Variants in AK4 observed in about 807,000 individuals in gnomAD.
The protein encoded by AK4 is adenylate kinase 4, also known as adenylate kinase 4, mitochondrial.
AK4 carries 13 observed loss-of-function variants against 24.6 expected under a neutral mutation model. The observed-to-expected ratio is 0.53, with a 90% confidence interval of 0.34 to 0.84. AK4 has a LOEUF of 0.84. Among genes scored for constraint, AK4 ranks in the 40% least tolerant of loss-of-function variants. AK4 has a pLI of 0.01. For missense variants in AK4, 192 were observed against 288.2 expected (o/e 0.67, Z 2.42); for synonymous variants, 88 against 107.0 (o/e 0.82, Z 1.10).
At position 65,230,414 on chromosome 1, in the gene AK4, A is replaced by G. The variant is rs1304118424; in HGVS notation, c.*4237A>G. ...AGTATTTGACATTAGCTTTTTGTCC[A>G]AAGAGTTGAAGCCTGCTGGAGGTCT... On this transcript the variant is annotated 3_prime_UTR_variant, in exon 5 of 5. Coordinates refer to ENST00000327299, the MANE Select transcript of AK4 (RefSeq NM_013410.4). 2.0e-5 allele frequency: 3 copies of G among 152,230 alleles called. No individual in the cohort carries two copies. The highest frequency in any genetic ancestry group is 3.9e-4 in the East Asian group (2 of 5,194). The allele number at this position is 152,230 out of a possible 1,614,324, so 9.4% of individuals were successfully genotyped here. A position where few individuals can be genotyped will look rare whatever the true frequency, so the allele number is the denominator to read the frequency against.
Position 65,199,565 on chromosome 1 carries a change from GA to G in AK4, c.265+8746del, listed in dbSNP as rs375901437. 6.0e-3 allele frequency among the ~76,000 whole-genome samples: 897 copies of G among 148,590 alleles called. 10 individuals are homozygous for G. The highest frequency in any genetic ancestry group is 0.021 in the African/African-American group (853 of 40,574). On this transcript the variant is annotated intron_variant, in intron 2 of 4. Transcript: ENST00000327299. ...GCCCAGGCGACTCCATCTCAAAAAA[GA>G]AAAAAAAAATTTGTAACCAGATAAC...
intron 1 of AK4, among the ~76,000 whole-genome samples, chr1:65,159,857 A>G (rs928455460): frequency 6.6e-6 from 1 of 151,116 alleles, no homozygotes; most frequent in African/African-American, 2.4e-5. Context: ...AGTCCCAGCT[A>G]CTCGAGAGGC....
intron 1 of AK4, among the ~76,000 whole-genome samples, chr1:65,168,070 A>G (rs958947733): frequency 1.3e-5 from 2 of 151,608 alleles, no homozygotes; most frequent in African/African-American, 4.8e-5. Flanking sequence ...ACCCTTTTAA[A>G]CTGCAATGAC....
At chr1:65,180,128 G>A (rs1650850810) in intron 1 of AK4, among the ~76,000 whole-genome samples, 1 of 152,164 alleles carries the variant, frequency 6.6e-6, no homozygotes, top group Non-Finnish European at 1.5e-5. Flanking sequence ...TAAAGCGTAT[G>A]TACTTGACCA....
chr1:65,196,369 G>A (rs1170925010), intron 2 of AK4, among the ~76,000 whole-genome samples: 1 of 152,074 alleles, frequency 6.6e-6, no homozygotes, highest in Non-Finnish European at 1.5e-5. Flanking sequence ...GGGAGGGTGA[G>A]TGTTCTGTGG....
At chr1:65,204,756 T>G (rs577339488) in intron 2 of AK4, among the ~76,000 whole-genome samples, 116 of 152,314 alleles carry the variant, frequency 7.6e-4, no homozygotes, top group Non-Finnish European at 1.1e-3. Flanking sequence ...CTCTTACCCT[T>G]CATCTCTCCC....
At chr1:65,211,192 C>T (rs1033194402) in intron 2 of AK4, among the ~76,000 whole-genome samples, 13 of 152,114 alleles carry the variant, frequency 8.5e-5, no homozygotes, top group African/African-American at 3.1e-4. Flanking sequence ...CAAGACCAGC[C>T]TAGGGCACAA....
intron 2 of AK4, among the ~76,000 whole-genome samples, chr1:65,214,697 T>A (rs1002631007): frequency 6.6e-6 from 1 of 152,212 alleles, no homozygotes; most frequent in Non-Finnish European, 1.5e-5. Flanking sequence ...GATCTTTGAC[T>A]TATTTCTGGT....
chr1:65,173,736 G>A (rs929056059), intron 1 of AK4, among the ~76,000 whole-genome samples: 3 of 152,018 alleles, frequency 2.0e-5, no homozygotes, highest in African/African-American at 4.8e-5. Flanking sequence ...GGTAGCGCAC[G>A]CCTGTAGCCA....
chr1:65,175,154 T>C (rs1261099312), intron 1 of AK4, among the ~76,000 whole-genome samples: 1 of 152,230 alleles, frequency 6.6e-6, no homozygotes, highest in African/African-American at 2.4e-5. Context: ...CTGGTATCGT[T>C]GTTCTTGCTG....
chr1:65,199,468 G>T (rs999261270), intron 2 of AK4, among the ~76,000 whole-genome samples: 2 of 151,876 alleles, frequency 1.3e-5, no homozygotes, highest in African/African-American at 4.8e-5. Flanking sequence ...AGAATCGCTT[G>T]AACCTGGGAG....
intron 1 of AK4, among the ~76,000 whole-genome samples, chr1:65,158,435 A>G (rs1233834915): frequency 6.6e-6 from 1 of 152,242 alleles, no homozygotes; most frequent in Non-Finnish European, 1.5e-5. Flanking sequence ...TAAGTTTTTT[A>G]GATGATGTAC....
Position 65,231,641 on chromosome 1 carries a change from TATTTA to T in AK4, c.*5470_*5474del, listed in dbSNP as rs1331156702. 2.0e-5 allele frequency: 3 copies of T among 152,226 alleles called. No homozygotes were observed. Among genetic ancestry groups the T allele is most frequent in the African/African-American group, 7.2e-5 (3 of 41,460 alleles). The allele number at this position is 152,226 out of a possible 1,614,324, so 9.4% of individuals were successfully genotyped here. Reference sequence around the variant, plus strand: ...ATGTCCTAAATAACAAACTATTTTGTATTTAATTTAGGGAAGACTAAAGGGAAGAA... The same window carrying T: ...ATGTCCTAAATAACAAACTATTTTGTATTTAGGGAAGACTAAAGGGAAGAA... On this transcript the variant is annotated 3_prime_UTR_variant, in exon 5 of 5. Transcript: ENST00000327299.
chr1:65,183,650 CGTGTGTGT>C (rs56067788), intron 1 of AK4, among the ~76,000 whole-genome samples: 4,417 of 140,492 alleles, frequency 0.031, 115 homozygotes, highest in African/African-American at 0.077. Flanking sequence ...TATAAATATC[CGTGTGTGT>C]GTGTGTGTGT....
chr1:65,209,254 G>A (rs1651903048), intron 2 of AK4, among the ~76,000 whole-genome samples: 1 of 152,092 alleles, frequency 6.6e-6, no homozygotes, highest in African/African-American at 2.4e-5. Flanking sequence ...GCTTAAACAT[G>A]ATCTTTATTT....
At chr1:65,215,047 G>GTAAATTAAT (rs1652081859) in intron 2 of AK4, among the ~76,000 whole-genome samples, 2 of 152,068 alleles carry the variant, frequency 1.3e-5, no homozygotes, top group African/African-American at 4.8e-5. Context: ...CATGAATCGG[G>GTAAATTAAT]GTAAATATTA....
In AK4 at chr1:65,231,901, A is replaced by G. The variant is rs1652659240; in HGVS notation, c.*5724A>G. 6.6e-6 allele frequency: 1 copy of G among 152,174 alleles called. No homozygotes were observed. The highest frequency in any genetic ancestry group is 1.5e-5 in the Non-Finnish European group (1 of 68,042). 9.4% of individuals were successfully genotyped at this position (152,174 alleles called of 1,614,324 possible). The stretch of plus-strand genomic sequence containing the variant: ...TCTCTTTGGTTTACTGTCCTGTGAA[A>G]TGTCAGCTCAAGTTTCCCAGAAGTC... On this transcript the variant is annotated 3_prime_UTR_variant, in exon 5 of 5. Transcript: ENST00000327299.
chr1:65,210,440 G>A (rs1291000858), intron 2 of AK4, among the ~76,000 whole-genome samples: 1 of 151,970 alleles, frequency 6.6e-6, no homozygotes, highest in Non-Finnish European at 1.5e-5. Context: ...GTACCCTCTG[G>A]AATCCTTTTT....
chr1:65,161,491 T>C (rs998452000), intron 1 of AK4, among the ~76,000 whole-genome samples: 2 of 152,188 alleles, frequency 1.3e-5, no homozygotes, highest in African/African-American at 4.8e-5. Flanking sequence ...CTTTTGCCTG[T>C]AATGCCTTTC....
Sources: allele counts gnomAD v4.1 joint callset (sites outside exome capture counted in the v4.1 genomes callset), GRCh38; gene constraint gnomAD v4.1.1; transcripts MANE v1.5; gene names NCBI Gene and HGNC (gene_info 2026-07-23, HGNC 2026-07-21).